PARD3: variants seen among roughly 807,000 people sequenced by gnomAD.
PARD3 encodes par-3 family cell polarity regulator.
Under a neutral mutation model 155.4 loss-of-function variants are expected in PARD3, and 75 were observed. That is an observed-to-expected ratio of 0.48 (90% CI 0.40 to 0.58). The LOEUF is 0.58. PARD3 is among the 20% of genes least tolerant of loss of function. The pLI, the probability that PARD3 is intolerant of heterozygous loss-of-function variation, is 0.00. For missense variants in PARD3, 1,642 were observed against 1,721.7 expected (o/e 0.95, Z 0.82); for synonymous variants, 576 against 610.5 (o/e 0.94, Z 0.83).
intron 2 of PARD3, among the ~76,000 whole-genome samples, chr10:34,642,059 G>A (rs745524429): frequency 2.0e-5 from 3 of 152,024 alleles, no homozygotes; most frequent in African/African-American, 4.8e-5. Context: ...TCACCCCTGC[G>A]GGCAGTATCC....
intron 1 of PARD3, among the ~76,000 whole-genome samples, chr10:34,736,037 T>C (rs2094907444): frequency 6.6e-6 from 1 of 152,096 alleles, no homozygotes; most frequent in African/African-American, 2.4e-5. Flanking sequence ...TACTTTTTTT[T>C]TTCTTTCTTT....
chr10:34,179,647 G>A (rs1011143830), intron 22 of PARD3, among the ~76,000 whole-genome samples: 1 of 152,128 alleles, frequency 6.6e-6, no homozygotes, highest in Non-Finnish European at 1.5e-5. Context: ...AATACCATAT[G>A]CTTGGCTGTA....
chr10:34,176,182 G>C (rs2133157216), intron 22 of PARD3, among the ~76,000 whole-genome samples: 1 of 152,148 alleles, frequency 6.6e-6, no homozygotes, highest in East Asian at 1.9e-4. Context: ...TATGCGTTTG[G>C]GCTCCCTTCT....
chr10:34,162,523 T>C (rs1264182551), intron 22 of PARD3, among the ~76,000 whole-genome samples: 1 of 152,168 alleles, frequency 6.6e-6, no homozygotes, highest in Non-Finnish European at 1.5e-5. Context: ...CACATATTCG[T>C]GTTATTATAT....
intron 1 of PARD3, among the ~76,000 whole-genome samples, chr10:34,774,362 A>C (rs1243739351): frequency 6.6e-6 from 1 of 152,204 alleles, no homozygotes; most frequent in East Asian, 1.9e-4. Flanking sequence ...AATTACTTAA[A>C]TAGCACACAC....
At chr10:34,653,046 C>A (rs1227410657) in intron 2 of PARD3, among the ~76,000 whole-genome samples, 1 of 152,078 alleles carries the variant, frequency 6.6e-6, no homozygotes, top group Non-Finnish European at 1.5e-5. Flanking sequence ...AACAAAAAAA[C>A]ACACATGCTT....
At chr10:34,479,542 T>G (rs2078939023) in intron 3 of PARD3, among the ~76,000 whole-genome samples, 1 of 152,140 alleles carries the variant, frequency 6.6e-6, no homozygotes, top group Non-Finnish European at 1.5e-5. Flanking sequence ...CCTGCCGCAA[T>G]CGAGACTTAG....
intron 3 of PARD3, among the ~76,000 whole-genome samples, chr10:34,514,891 G>A (rs538201668): frequency 1.8e-3 from 272 of 152,160 alleles, no homozygotes; most frequent in African/African-American, 6.0e-3. Flanking sequence ...ATTTTTTATG[G>A]TGTGGCTATA....
At chr10:34,755,333 G>C (rs1460274669) in intron 1 of PARD3, among the ~76,000 whole-genome samples, 2 of 151,938 alleles carry the variant, frequency 1.3e-5, no homozygotes, top group African/African-American at 4.8e-5. Context: ...AATCGCTTGA[G>C]CCAGGGAAGC....
intron 1 of PARD3, among the ~76,000 whole-genome samples, chr10:34,740,101 G>A (rs2094982329): frequency 6.6e-6 from 1 of 152,214 alleles, no homozygotes; most frequent in African/African-American, 2.4e-5. Context: ...CAGCTGGTGA[G>A]AGCCTCCCGT....
intron 22 of PARD3, among the ~76,000 whole-genome samples, chr10:34,145,905 G>A (rs988154936): frequency 2.6e-5 from 4 of 152,132 alleles, no homozygotes; most frequent in Admixed American, 6.6e-5. Context: ...ATGAAATGGT[G>A]GACAGGAAGG....
chr10:34,514,370 G>A lies in PARD3; in HGVS notation c.403+2609C>T, dbSNP rs542925115. ...TAACTATAGCTCCTTGATAGCAAGC[G>A]CCAGGCCTTATTAACTCAACCCAGG... On this transcript the variant is annotated intron_variant, in intron 3 of 24. Transcript: ENST00000374788. Among the ~76,000 whole-genome samples, 107 of 152,242 alleles carry A rather than the reference G, an allele frequency of 7.0e-4. 1 individual carries two copies. The South Asian group carries it at 7.7e-3, about 11-fold the overall frequency.
At chr10:34,381,931 A>G (rs1001804811) in intron 9 of PARD3, among the ~76,000 whole-genome samples, 4 of 143,140 alleles carry the variant, frequency 2.8e-5, no homozygotes, top group Non-Finnish European at 6.1e-5. Context: ...AAAAAAAAAA[A>G]AAAAAAAAAA....
intron 1 of PARD3, among the ~76,000 whole-genome samples, chr10:34,776,834 GT>G (rs1178181472): frequency 5.6e-5 from 3 of 53,648 alleles, no homozygotes; most frequent in Admixed American, 1.7e-4. Context: ...GTGTTTTTTT[GT>G]GGGGGGGGGG....
chr10:34,153,941 C>A (rs1401739413), intron 22 of PARD3, among the ~76,000 whole-genome samples: 1 of 152,186 alleles, frequency 6.6e-6, no homozygotes, highest in Non-Finnish European at 1.5e-5. Context: ...GAGGAAAAAA[C>A]CATTTCCCTC....
At chr10:34,813,395 G>A (rs1324895618) in intron 1 of PARD3, among the ~76,000 whole-genome samples, 1 of 152,148 alleles carries the variant, frequency 6.6e-6, no homozygotes, top group Non-Finnish European at 1.5e-5. Flanking sequence ...AGCATAAACT[G>A]TCACACATAA....
intron 1 of PARD3, among the ~76,000 whole-genome samples, chr10:34,764,185 C>A (rs1837804738): frequency 6.6e-6 from 1 of 152,160 alleles, no homozygotes; most frequent in African/African-American, 2.4e-5. Context: ...ATAGAAATTT[C>A]TTAATCAACA....
At chr10:34,664,802 A>C (rs758643352) in intron 2 of PARD3, among the ~76,000 whole-genome samples, 8 of 152,138 alleles carry the variant, frequency 5.3e-5, no homozygotes, top group Non-Finnish European at 1.2e-4. Flanking sequence ...CCTTTTTCTT[A>C]GTCAAATTAG....
chr10:34,288,952 T>C (rs1956536979), intron 20 of PARD3, among the ~76,000 whole-genome samples: 1 of 152,154 alleles, frequency 6.6e-6, no homozygotes. Flanking sequence ...TAAGTCATAT[T>C]AAAATAGAAG....
Sources: gnomAD v4.1 joint callset for allele counts (sites outside exome capture counted in the v4.1 genomes callset) on GRCh38, gnomAD v4.1.1 for gene constraint, MANE v1.5 for transcripts, NCBI Gene and HGNC (gene_info 2026-07-23, HGNC 2026-07-21) for gene names.